Variants in CYYR1 observed in about 807,000 individuals in gnomAD.
CYYR1 encodes the protein cysteine and tyrosine rich 1.
In CYYR1, 14 loss-of-function variants were observed where a neutral mutation model predicts 15.2. The observed-to-expected ratio is 0.92, with a 90% CI of 0.61 to 1.44. CYYR1 has a LOEUF of 1.44. CYYR1 is among the 40% of genes most tolerant of loss of function. The probability of loss-of-function intolerance (pLI) is 0.00; values close to 1 mark genes in which losing one functional copy is unlikely to be tolerated. For missense variants in CYYR1, 228 were observed against 209.5 expected (o/e 1.09, Z -0.54); for synonymous variants, 80 against 77.4 (o/e 1.03, Z -0.18).
intron 2 of CYYR1, among the ~76,000 whole-genome samples, chr21:26,549,845 G>T (rs918878925): frequency 1.1e-4 from 16 of 152,118 alleles, no homozygotes; most frequent in African/African-American, 3.9e-4. Flanking sequence ...AAGAAAAAAT[G>T]CAAATAACTT....
At chr21:26,504,224 G>GTATTTATTTATTTATT (rs59992346) in intron 2 of CYYR1, among the ~76,000 whole-genome samples, 38 of 150,442 alleles carry the variant, frequency 2.5e-4, no homozygotes, top group African/African-American at 6.4e-4. Context: ...TCTTTGTGAT[G>GTATTTATTTATTTATT]TATTTATTTA....
chr21:26,500,958 T>A (rs1003301752), intron 2 of CYYR1, among the ~76,000 whole-genome samples: 2 of 152,224 alleles, frequency 1.3e-5, no homozygotes, highest in African/African-American at 4.8e-5. Context: ...TTAAGCATCA[T>A]ACTTGTACCA....
chr21:26,565,600 A>G (rs1980558936), intron 2 of CYYR1, among the ~76,000 whole-genome samples: 1 of 152,086 alleles, frequency 6.6e-6, no homozygotes, highest in Non-Finnish European at 1.5e-5. Flanking sequence ...CAGCTTCCAT[A>G]TTTCCCTTTG....
At position 26,573,249 on chromosome 21, in the gene CYYR1, C is replaced by T; in HGVS notation, c.-309G>A. The T allele has an allele frequency of 1.5e-6, 2 of 1,368,058 alleles. No individual in the cohort carries two copies. Among genetic ancestry groups the T allele is most frequent in the Non-Finnish European group, 1.9e-6 (2 of 1,046,330 alleles). The allele number at this position is 1,368,058 out of a possible 1,614,324, so 84.7% of individuals were successfully genotyped here. On this transcript the variant is annotated 5_prime_UTR_variant, in exon 1 of 4. Coordinates refer to ENST00000652641, the MANE Select transcript of CYYR1 (RefSeq NM_001320768.2). ...GGCCACTCCGGCGTCCTTGGCCACC[C>T]AGGCTCACATTTCATCTCCGCGGGT...
At chr21:26,543,846 CA>C (rs1375942913) in intron 2 of CYYR1, among the ~76,000 whole-genome samples, 1 of 152,054 alleles carries the variant, frequency 6.6e-6, no homozygotes, top group African/African-American at 2.4e-5. Context: ...GCGGAGTTTG[CA>C]GTGAACCGAA....
intron 2 of CYYR1, among the ~76,000 whole-genome samples, chr21:26,530,149 G>A (rs534916591): frequency 2.0e-5 from 3 of 152,224 alleles, no homozygotes; most frequent in Admixed American, 2.0e-4. Context: ...AATTTTGCTT[G>A]TATTTGTATG....
intron 2 of CYYR1, among the ~76,000 whole-genome samples, chr21:26,533,170 A>G (rs1470214668): frequency 6.7e-6 from 1 of 149,488 alleles, no homozygotes; most frequent in African/African-American, 2.4e-5. Context: ...ATTATTTACT[A>G]TTTACTATAG....
At chr21:26,538,090 A>G (rs1171654453) in intron 2 of CYYR1, among the ~76,000 whole-genome samples, 2 of 152,170 alleles carry the variant, frequency 1.3e-5, no homozygotes, top group African/African-American at 4.8e-5. Flanking sequence ...TTCATCAGGT[A>G]TTGCAGTCTA....
At chr21:26,524,738 C>T (rs1029163801) in intron 2 of CYYR1, among the ~76,000 whole-genome samples, 1 of 152,120 alleles carries the variant, frequency 6.6e-6, no homozygotes, top group African/African-American at 2.4e-5. Context: ...AACCATGTAC[C>T]CATTATCAAG....
At chr21:26,487,353 G>A (rs1005364809) in intron 2 of CYYR1, among the ~76,000 whole-genome samples, 3 of 151,888 alleles carry the variant, frequency 2.0e-5, no homozygotes, top group South Asian at 4.2e-4. Context: ...ATATTTAGTC[G>A]ACTTATTTAT....
At chr21:26,486,445 G>A (rs2065248755) in intron 2 of CYYR1, among the ~76,000 whole-genome samples, 1 of 151,844 alleles carries the variant, frequency 6.6e-6, no homozygotes, top group Non-Finnish European at 1.5e-5. Flanking sequence ...TTCTGTACGA[G>A]GTATTAGATT....
intron 2 of CYYR1, among the ~76,000 whole-genome samples, chr21:26,520,861 T>A (rs2065795833): frequency 1.3e-5 from 2 of 152,090 alleles, no homozygotes; most frequent in Admixed American, 6.6e-5. Context: ...CCAACAAACA[T>A]ATGAGATCAT....
At chr21:26,485,676 AAGC>A (rs1474887745) in intron 2 of CYYR1, among the ~76,000 whole-genome samples, 2 of 152,118 alleles carry the variant, frequency 1.3e-5, no homozygotes, top group African/African-American at 4.8e-5. Context: ...CTAGATGAGC[AAGC>A]AGTCCATGAT....
intron 2 of CYYR1, among the ~76,000 whole-genome samples, chr21:26,507,365 G>A (rs973941805): frequency 5.3e-5 from 8 of 152,162 alleles, no homozygotes; most frequent in African/African-American, 1.7e-4. Context: ...AAACAATGTT[G>A]CATTGCTGAA....
chr21:26,472,727 G>A (rs1216993190), intron 3 of CYYR1, among the ~76,000 whole-genome samples: 1 of 151,900 alleles, frequency 6.6e-6, no homozygotes, highest in Non-Finnish European at 1.5e-5. Context: ...TTGTCAAAAT[G>A]GTTTATTATA....
intron 2 of CYYR1, among the ~76,000 whole-genome samples, chr21:26,531,772 C>A (rs569957473): frequency 6.6e-6 from 1 of 152,046 alleles, no homozygotes; most frequent in Non-Finnish European, 1.5e-5. Flanking sequence ...GTCATGTGGC[C>A]AGGGTATCCT....
chr21:26,570,079 T>C (rs1980911646), intron 1 of CYYR1, among the ~76,000 whole-genome samples: 1 of 152,226 alleles, frequency 6.6e-6, no homozygotes, highest in African/African-American at 2.4e-5. Context: ...TTTATGTTGG[T>C]TGCTTTCTCT....
intron 2 of CYYR1, among the ~76,000 whole-genome samples, chr21:26,506,989 C>A (rs1369689169): frequency 6.6e-6 from 1 of 152,148 alleles, no homozygotes; most frequent in African/African-American, 2.4e-5. Flanking sequence ...CCACTCACTG[C>A]ATGAAAATAC....
At chr21:26,520,544 G>T (rs950540853) in intron 2 of CYYR1, among the ~76,000 whole-genome samples, 8 of 152,080 alleles carry the variant, frequency 5.3e-5, no homozygotes, top group Non-Finnish European at 8.8e-5. Context: ...AAACATATGT[G>T]TGCATGTGTC....
Sources: gnomAD v4.1 joint callset for allele counts (sites outside exome capture counted in the v4.1 genomes callset) on GRCh38, gnomAD v4.1.1 for gene constraint, MANE v1.5 for transcripts, NCBI Gene and HGNC (gene_info 2026-07-23, HGNC 2026-07-21) for gene names.